PPP3CA: variants seen among roughly 807,000 people sequenced by gnomAD.
PPP3CA encodes protein phosphatase 3 catalytic subunit alpha.
A neutral mutation model predicts 66.5 loss-of-function variants in PPP3CA; 14 were observed. That is an observed-to-expected ratio of 0.21 (90% CI 0.14 to 0.33). PPP3CA has a LOEUF of 0.33. Among genes scored for constraint, PPP3CA ranks in the 10% least tolerant of loss-of-function variants. The pLI is 1.00. For synonymous variants in PPP3CA, 232 were observed against 226.2 expected (o/e 1.03, Z -0.23); for missense variants, 317 against 639.5 (o/e 0.50, Z 5.44).
intron 1 of PPP3CA, among the ~76,000 whole-genome samples, chr4:101,343,872 T>C (rs941480024): frequency 2.2e-4 from 34 of 152,156 alleles, no homozygotes; most frequent in African/African-American, 7.5e-4. Context: ...ATCATATTAC[T>C]ACAAACCACA....
rs3789751 is a variant in PPP3CA, at chr4:101,267,425, T to G, written c.59-71309A>C. Among the ~76,000 whole-genome samples the G allele has an allele frequency of 2.1e-3, 316 of 152,290 alleles. 6 individuals carry two copies. The East Asian group carries it at 0.027, about 13-fold the overall frequency. ...TTATATACTTGGGATTACAATGTCC[T>G]TGTAGTTCAGGTACTCATTATTTAG... On this transcript the variant is annotated intron_variant, in intron 1 of 13. Coordinates refer to ENST00000394854, the MANE Select transcript of PPP3CA (RefSeq NM_000944.5).
chr4:101,326,085 G>A (rs900162459), intron 1 of PPP3CA, among the ~76,000 whole-genome samples: 5 of 152,104 alleles, frequency 3.3e-5, no homozygotes, highest in African/African-American at 1.2e-4. Flanking sequence ...GCAGTGAGCC[G>A]AGACTGCACC....
At chr4:101,242,961 T>C (rs1726361039) in intron 1 of PPP3CA, among the ~76,000 whole-genome samples, 1 of 152,042 alleles carries the variant, frequency 6.6e-6, no homozygotes, top group Admixed American at 6.6e-5. Context: ...TGAATCTGGG[T>C]TCTGTAAACC....
intron 8 of PPP3CA, among the ~76,000 whole-genome samples, chr4:101,068,963 G>A (rs1728796829): frequency 6.6e-6 from 1 of 152,084 alleles, no homozygotes; most frequent in African/African-American, 2.4e-5. Context: ...GAAAGTTAAT[G>A]TTTATATTGT....
intron 3 of PPP3CA, among the ~76,000 whole-genome samples, chr4:101,105,338 T>C (rs898382352): frequency 2.0e-5 from 3 of 151,962 alleles, no homozygotes; most frequent in African/African-American, 7.3e-5. Context: ...AGCTAACTTT[T>C]GTATTTTTAG....
chr4:101,260,452 T>A (rs1726976332), intron 1 of PPP3CA, among the ~76,000 whole-genome samples: 1 of 152,170 alleles, frequency 6.6e-6, no homozygotes, highest in South Asian at 2.1e-4. Context: ...GCACATCTGA[T>A]TTCCCAGAAA....
intron 9 of PPP3CA, among the ~76,000 whole-genome samples, chr4:101,062,861 A>G (rs1028605772): frequency 3.3e-5 from 5 of 152,030 alleles, no homozygotes; most frequent in Non-Finnish European, 7.4e-5. Context: ...TTTGGCAGAT[A>G]ATTTGTAAAA....
chr4:101,328,728 T>C (rs148685203), intron 1 of PPP3CA, among the ~76,000 whole-genome samples: 1 of 152,324 alleles, frequency 6.6e-6, no homozygotes, highest in Non-Finnish European at 1.5e-5. Context: ...TTGTGACATT[T>C]TGGTAATTCT....
At chr4:101,101,415 C>T (rs1379978499) in intron 3 of PPP3CA, among the ~76,000 whole-genome samples, 3 of 151,998 alleles carry the variant, frequency 2.0e-5, no homozygotes, top group African/African-American at 7.2e-5. Flanking sequence ...AGGACTGTCC[C>T]CAATTTAAAA....
intron 1 of PPP3CA, among the ~76,000 whole-genome samples, chr4:101,330,783 C>CT (rs939440405): frequency 6.6e-6 from 1 of 151,996 alleles, no homozygotes; most frequent in Non-Finnish European, 1.5e-5. Flanking sequence ...TAGCACTACA[C>CT]TTTTTTTTCA....
chr4:101,084,947 G>A (rs918667100), intron 6 of PPP3CA, among the ~76,000 whole-genome samples: 1 of 152,276 alleles, frequency 6.6e-6, no homozygotes, highest in Admixed American at 6.5e-5. Context: ...AGAATCAGGT[G>A]TTGACCAACA....
At chr4:101,260,813 T>C (rs1313463215) in intron 1 of PPP3CA, among the ~76,000 whole-genome samples, 1 of 152,166 alleles carries the variant, frequency 6.6e-6, no homozygotes, top group Non-Finnish European at 1.5e-5. Context: ...TATTAATTTA[T>C]CTTTCTAATT....
At chr4:101,291,792 T>A (rs1728034490) in intron 1 of PPP3CA, among the ~76,000 whole-genome samples, 1 of 151,976 alleles carries the variant, frequency 6.6e-6, no homozygotes, top group South Asian at 2.1e-4. Flanking sequence ...GCCCACAACT[T>A]CCCTTACCTC....
At chr4:101,136,555 G>A (rs1722628420) in intron 2 of PPP3CA, among the ~76,000 whole-genome samples, 1 of 151,096 alleles carries the variant, frequency 6.6e-6, no homozygotes, top group African/African-American at 2.4e-5. Flanking sequence ...AAAAAAAAGT[G>A]TTCATGAAGC....
At chr4:101,170,603 G>C (rs1723845885) in intron 2 of PPP3CA, among the ~76,000 whole-genome samples, 2 of 151,410 alleles carry the variant, frequency 1.3e-5, no homozygotes, top group Non-Finnish European at 2.9e-5. Flanking sequence ...CTTCATATTT[G>C]CCAAAAAATG....
chr4:101,328,796 G>A (rs2110330444), intron 1 of PPP3CA, among the ~76,000 whole-genome samples: 2 of 152,098 alleles, frequency 1.3e-5, no homozygotes, highest in South Asian at 4.1e-4. Context: ...GTGATCCATG[G>A]TTTTGTATGT....
intron 2 of PPP3CA, among the ~76,000 whole-genome samples, chr4:101,129,546 A>T (rs1722359910): frequency 6.6e-6 from 1 of 152,212 alleles, no homozygotes; most frequent in Non-Finnish European, 1.5e-5. Context: ...CTTCTAGAGG[A>T]AGGAACAAGC....
intron 2 of PPP3CA, among the ~76,000 whole-genome samples, chr4:101,135,433 C>A (rs1176389058): frequency 6.6e-6 from 1 of 152,122 alleles, no homozygotes; most frequent in Non-Finnish European, 1.5e-5. Context: ...ACAGAATACA[C>A]TCAGGATTAA....
rs190648714 is a variant in PPP3CA at position 101,341,481 on chromosome 4, G to A, written c.58+5258C>T. ...ACCCAAGGCACTCATGGCTTTCAAT[G>A]CTAATGGTTCTGACTATTCTCAGGT... is the stretch of plus-strand genomic sequence containing the variant. On this transcript the variant is annotated intron_variant, in intron 1 of 13. Coordinates refer to ENST00000394854, the MANE Select transcript of PPP3CA (RefSeq NM_000944.5). Among the ~76,000 whole-genome samples the A allele has an allele frequency of 5.3e-4, 81 of 152,246 alleles. 1 individual carries two copies. Among genetic ancestry groups the A allele is most frequent in the African/African-American group, 1.8e-3 (75 of 41,542 alleles).
Sources: gnomAD v4.1 joint callset for allele counts (sites outside exome capture counted in the v4.1 genomes callset) on GRCh38, gnomAD v4.1.1 for gene constraint, MANE v1.5 for transcripts, NCBI Gene and HGNC (gene_info 2026-07-23, HGNC 2026-07-21) for gene names.